TG: variants seen among roughly 807,000 people sequenced by gnomAD.
TG encodes the protein thyroglobulin.
TG carries 270 observed loss-of-function variants against 324.7 expected under a neutral mutation model. That is an observed-to-expected ratio of 0.83 (90% CI 0.75 to 0.92). TG has a LOEUF of 0.92. TG is among the 40% of genes least tolerant of loss of function. The probability of loss-of-function intolerance (pLI) is 0.00; values close to 1 mark genes in which losing one functional copy is unlikely to be tolerated. For missense variants in TG, 3,591 were observed against 3,456.4 expected, an observed-to-expected ratio of 1.04 and a Z score of -0.98; for synonymous variants, 1,401 against 1,327.0, an observed-to-expected ratio of 1.06 and a Z score of -1.21.
intron 8 of TG, 137 bp from the exon 9 acceptor site, chr8:132,886,311 G>T: frequency 8.0e-7 from 1 of 1,242,370 alleles, no homozygotes. Flanking sequence ...AAATGACACA[G>T]AGAAGAAAGT....
intron 16 of TG, among the ~76,000 whole-genome samples, chr8:132,901,856 G>T (rs1353272262): frequency 6.6e-6 from 1 of 152,172 alleles, no homozygotes; most frequent in East Asian, 1.9e-4. Context: ...CTTCAGATGG[G>T]GAGAAGGACC....
chr8:133,014,779 G>A (rs1834869353), intron 37 of TG, among the ~76,000 whole-genome samples: 1 of 152,204 alleles, frequency 6.6e-6, no homozygotes, highest in African/African-American at 2.4e-5. Context: ...CCACAAGAGT[G>A]TCTTCCAGAC....
intron 41 of TG, chr8:133,047,864 G>C (rs1839742132): frequency 6.2e-7 from 1 of 1,611,254 alleles, no homozygotes; most frequent in African/African-American, 1.3e-5. Context: ...TCATGAAGGA[G>C]CCGACCTTTG....
intron 41 of TG, among the ~76,000 whole-genome samples, chr8:133,093,198 T>C (rs933090746): frequency 2.0e-5 from 3 of 151,706 alleles, no homozygotes; most frequent in African/African-American, 7.3e-5. Context: ...GCCCTGCTCA[T>C]TGTTGGAAAA....
chr8:132,979,952 A>T lies in TG; in HGVS notation c.6200-3398A>T, dbSNP rs548786526. Among the ~76,000 whole-genome samples, 36 of 151,998 alleles carry T rather than the reference A, an allele frequency of 2.4e-4. 1 individual carries two copies. Among genetic ancestry groups the T allele is most frequent in the African/African-American group, 8.4e-4 (35 of 41,464 alleles). On this transcript the variant is annotated intron_variant, in intron 34 of 47. Coordinates refer to ENST00000220616, the MANE Select transcript of TG (RefSeq NM_003235.5). ...ACCATATAAATTGGGGGTCTCCATGACCTCCTCCTTGGGGTCAATAATTTG... is the reference window on the plus strand; with the variant it reads ...ACCATATAAATTGGGGGTCTCCATGTCCTCCTCCTTGGGGTCAATAATTTG...
chr8:133,056,075 C>T (rs777729496), intron 41 of TG, among the ~76,000 whole-genome samples: 9 of 152,168 alleles, frequency 5.9e-5, no homozygotes, highest in African/African-American at 9.7e-5. Flanking sequence ...CCAGGTCTCC[C>T]TGGGCAGGGC....
At chr8:132,965,779 G>A (rs1828473240) in intron 29 of TG, among the ~76,000 whole-genome samples, 1 of 152,240 alleles carries the variant, frequency 6.6e-6, no homozygotes. Flanking sequence ...ATGAGCAATT[G>A]CATGGGGACT....
chr8:132,989,630 C>G (rs1486194301), intron 35 of TG, among the ~76,000 whole-genome samples: 1 of 152,244 alleles, frequency 6.6e-6, no homozygotes, highest in East Asian at 1.9e-4. Flanking sequence ...GCTGCCCCAA[C>G]AGCTTTTGAA....
At chr8:133,021,243 A>G (rs1835533764) in intron 39 of TG, among the ~76,000 whole-genome samples, 1 of 152,210 alleles carries the variant, frequency 6.6e-6, no homozygotes, top group Non-Finnish European at 1.5e-5. Context: ...CCTGGCTCCT[A>G]GTAAGTGCAT....
chr8:132,904,367 T>C (rs907687513), intron 16 of TG, among the ~76,000 whole-genome samples: 1 of 152,212 alleles, frequency 6.6e-6, no homozygotes, highest in Admixed American at 6.5e-5. Context: ...GTTTTCTTCA[T>C]CTCTAAAGTA....
At chr8:132,882,712 G>C (rs1052644819) in intron 7 of TG, 100 bp downstream of exon 7, 35 of 1,611,658 alleles carry the variant, frequency 2.2e-5, no homozygotes, top group Non-Finnish European at 3.0e-5. Flanking sequence ...ACCAAAGTGA[G>C]GGCAGAGATG....
At chr8:132,912,557 G>A (rs569811463) in intron 19 of TG, among the ~76,000 whole-genome samples, 4 of 152,170 alleles carry the variant, frequency 2.6e-5, no homozygotes, top group African/African-American at 9.6e-5. Flanking sequence ...TGAGGCAGAA[G>A]GCCCTGTTGC....
intron 47 of TG, among the ~76,000 whole-genome samples, chr8:133,134,178 G>A (rs1046413393): frequency 4.6e-5 from 7 of 152,226 alleles, no homozygotes; most frequent in Admixed American, 3.3e-4. Context: ...TTGGAATAAC[G>A]GGTGTGAGTG....
rs906403004 is a variant in TG at position 132,906,953 on chromosome 8, G to A, written c.3847+53G>A. On this transcript the variant is annotated intron_variant, in intron 17 of 47. Coordinates refer to ENST00000220616, the MANE Select transcript of TG (RefSeq NM_003235.5). The stretch of plus-strand genomic sequence containing the variant: ...CACCCCGCTCCCTCTCAGGGCTAGG[G>A]CTGGGACCGAGATATGGAGGCGTGG... 5 of 1,548,486 alleles carry A rather than the reference G, an allele frequency of 3.2e-6. No individual in the cohort carries two copies. The African/African-American group carries it at 4.1e-5, about 13-fold the overall frequency.
chr8:132,937,840 A>G (rs1489998886), intron 25 of TG, among the ~76,000 whole-genome samples: 3 of 151,680 alleles, frequency 2.0e-5, no homozygotes, highest in Non-Finnish European at 4.4e-5. Context: ...GAAAGTTTGT[A>G]CTTTGGGGGA....
chr8:132,953,898 G>T (rs955352152), intron 27 of TG, among the ~76,000 whole-genome samples: 2 of 152,082 alleles, frequency 1.3e-5, no homozygotes, highest in Admixed American at 6.6e-5. Flanking sequence ...AAGCTCTGGG[G>T]CTGCATATGG....
intron 35 of TG, among the ~76,000 whole-genome samples, chr8:132,984,240 G>C (rs999631252): frequency 6.6e-5 from 10 of 152,238 alleles, no homozygotes; most frequent in African/African-American, 9.6e-5. Flanking sequence ...GCCCTGGCTG[G>C]AGAGACAGAA....
chr8:133,091,529 G>C (rs527545601), intron 41 of TG, among the ~76,000 whole-genome samples: 4 of 152,148 alleles, frequency 2.6e-5, no homozygotes, highest in African/African-American at 9.7e-5. Flanking sequence ...TTCCTCCCGG[G>C]AAATGCTGCA....
chr8:133,017,750 C>T, intron 37 of TG, 28 bp from the exon 38 acceptor site: 1 of 1,608,468 alleles, frequency 6.2e-7, no homozygotes, highest in Non-Finnish European at 8.5e-7. Context: ...TCCCCTTCCT[C>T]ACCCCTTTCT....
Sources: allele counts gnomAD v4.1 joint callset (sites outside exome capture counted in the v4.1 genomes callset), GRCh38; gene constraint gnomAD v4.1.1; transcripts MANE v1.5; gene names NCBI Gene and HGNC (gene_info 2026-07-23, HGNC 2026-07-21).